Variants in RPS6KA3 observed in about 807,000 individuals in gnomAD.
RPS6KA3 encodes the protein ribosomal protein S6 kinase alpha-3.
Under a neutral mutation model 67.2 loss-of-function variants are expected in RPS6KA3, and 4 were observed. The observed-to-expected ratio is 0.06, with a 90% CI of 0.03 to 0.14. The LOEUF is 0.14. Ranked by LOEUF, RPS6KA3 falls within the 10% of genes least tolerant of loss-of-function variation. The pLI, the probability that RPS6KA3 is intolerant of heterozygous loss-of-function variation, is 1.00. For missense variants in RPS6KA3, 204 were observed against 559.0 expected (o/e 0.36, Z 6.40); for synonymous variants, 182 against 183.7 (o/e 0.99, Z 0.07).
chrX:20,257,324 G>A (rs753602591), intron 1 of RPS6KA3, among the ~76,000 whole-genome samples: 2 of 112,244 alleles, frequency 1.8e-5, no homozygotes, highest in South Asian at 3.6e-4. Flanking sequence ...CCAGACTTAC[G>A]AGTTAAAATT....
At chrX:20,218,634 C>T (rs2068915644) in intron 2 of RPS6KA3, among the ~76,000 whole-genome samples, 1 of 111,966 alleles carries the variant, frequency 8.9e-6, no homozygotes, top group Non-Finnish European at 1.9e-5. Flanking sequence ...ACATAACTGG[C>T]TTTTAGTAAA....
At chrX:20,174,744 A>T (rs1315489877) in intron 14 of RPS6KA3, among the ~76,000 whole-genome samples, 1 of 110,584 alleles carries the variant, frequency 9.0e-6, no homozygotes, top group Non-Finnish European at 1.9e-5. Flanking sequence ...AAAGTTAATG[A>T]TATAAAATGT....
At position 20,263,337 on chromosome X, in the gene RPS6KA3, T is replaced by C. The variant is rs150740254; in HGVS notation, c.69+3227A>G. 2.8e-3 allele frequency among the ~76,000 whole-genome samples: 310 copies of C among 112,208 alleles called. 2 individuals carry two copies. Among genetic ancestry groups the C allele is most frequent in the Middle Eastern group, 4.6e-3 (1 of 218 alleles). ...AAGAGCCATAATTCCTACCTATCCA[T>C]CCTCTAAACAGTCAAATATTCAAAA... On this transcript the variant is annotated intron_variant, in intron 1 of 21. Transcript: ENST00000379565.
chrX:20,164,266 A>G (rs1385557597), intron 18 of RPS6KA3, among the ~76,000 whole-genome samples: 1 of 111,426 alleles, frequency 9.0e-6, no homozygotes, highest in African/African-American at 3.3e-5. Flanking sequence ...GCCTGCTTAT[A>G]TTGGACCTAT....
intron 1 of RPS6KA3, among the ~76,000 whole-genome samples, chrX:20,261,467 TTA>T (rs1170707511): frequency 8.9e-6 from 1 of 112,255 alleles, no homozygotes; most frequent in African/African-American, 3.2e-5. Context: ...GTGCCAAAGT[TTA>T]TCTTTCAACA....
At chrX:20,211,592 A>C (rs927633882) in intron 2 of RPS6KA3, among the ~76,000 whole-genome samples, 4 of 111,215 alleles carry the variant, frequency 3.6e-5, no homozygotes, top group Admixed American at 9.5e-5. Flanking sequence ...AAAACAAAAC[A>C]AAACCTACAC....
chrX:20,171,151 A>G (rs925207880), intron 15 of RPS6KA3, among the ~76,000 whole-genome samples: 2 of 112,047 alleles, frequency 1.8e-5, no homozygotes, highest in Non-Finnish European at 3.8e-5. Context: ...TACATATAAC[A>G]TACAAAATAA....
Position 20,169,410 on chromosome X carries a change from G to T in RPS6KA3, c.1435C>A (p.Leu479Ile). The change falls in exon 16 of 22, where the codon CTA (leucine) becomes ATA (isoleucine). Residue 479 changes from leucine (L) to isoleucine (I), a missense_variant. Around this residue, in one of 4 missense-constraint regions of RPS6KA3, gnomAD observed 73 missense variants for 241.1 expected, o/e 0.30. Transcript: ENST00000379565. ...TTAAAGAATCTACTTACATCCTTTA[G>T]AGTGATAATGTTTGGATGCTGTCCA... ...RYGQHPNIIT[L>I]KDVYDDGKYV... is the part of the protein sequence containing the mutation. 1 of 1,135,715 alleles carries T rather than the reference G, an allele frequency of 8.8e-7. No homozygotes were observed. The highest frequency in any genetic ancestry group is 1.2e-6 in the Non-Finnish European group (1 of 825,939). 93.6% of individuals were successfully genotyped at this position (1,135,715 alleles called of 1,213,427 possible). A position where few individuals can be genotyped will look rare whatever the true frequency, so the allele number is the denominator to read the frequency against.
At chrX:20,235,179 A>G (rs770037686) in intron 1 of RPS6KA3, among the ~76,000 whole-genome samples, 3 of 111,421 alleles carry the variant, frequency 2.7e-5, no homozygotes, top group Non-Finnish European at 5.7e-5. Flanking sequence ...CTCCATTCAT[A>G]ATTAATCAAG....
chrX:20,251,918 T>C (rs1323317111), intron 1 of RPS6KA3, among the ~76,000 whole-genome samples: 1 of 112,257 alleles, frequency 8.9e-6, no homozygotes, highest in African/African-American at 3.2e-5. Flanking sequence ...TTTCTTCAGG[T>C]CCAGTTTCTT....
At chrX:20,158,909 C>T (rs949302133) in intron 20 of RPS6KA3, among the ~76,000 whole-genome samples, 7 of 111,685 alleles carry the variant, frequency 6.3e-5, no homozygotes, top group African/African-American at 2.3e-4. Context: ...AGTGTCACCC[C>T]AGACTTCTCT....
chrX:20,191,332 C>A (rs187414041), intron 7 of RPS6KA3, among the ~76,000 whole-genome samples: 3 of 111,568 alleles, frequency 2.7e-5, no homozygotes, highest in Non-Finnish European at 5.6e-5. Context: ...AATAAACATA[C>A]GTGTGCATGT....
In RPS6KA3 at chrX:20,266,744, G is replaced by GGCGGCA. The variant is rs781064398; in HGVS notation, c.-118_-113dup. 22 of 282,102 alleles carry GGCGGCA rather than the reference G, an allele frequency of 7.8e-5. No homozygotes were observed. Among genetic ancestry groups the GGCGGCA allele is most frequent in the South Asian group, 3.4e-4 (2 of 5,845 alleles). 23.2% of individuals were successfully genotyped at this position (282,102 alleles called of 1,213,427 possible). A position where few individuals can be genotyped will look rare whatever the true frequency, so the allele number is the denominator to read the frequency against. Reference sequence around the variant, plus strand: ...CGGCAGCGGCGGCGGCGGCGGCGGCGGCGGCAGCGGCAGCGGCAGCGGCAG... The same window carrying GGCGGCA: ...CGGCAGCGGCGGCGGCGGCGGCGGCGGCGGCAGCGGCAGCGGCAGCGGCAGCGGCAG... On this transcript the variant is annotated 5_prime_UTR_variant, in exon 1 of 22. Transcript: ENST00000379565.
Position 20,257,058 on chromosome X carries a change from T to G in RPS6KA3, c.69+9506A>C, listed in dbSNP as rs747187788. On this transcript the variant is annotated intron_variant, in intron 1 of 21. Coordinates refer to ENST00000379565, the MANE Select transcript of RPS6KA3 (RefSeq NM_004586.3). ...TTTGAATTCTGGCTCCTTCAGTTAC[T>G]AGCTGGGCAACCATGAGCACGTTAT... Among the ~76,000 whole-genome samples the G allele has an allele frequency of 2.7e-5, 3 of 112,355 alleles. No individual in the cohort carries two copies. The East Asian group carries it at 8.4e-4, about 31-fold the overall frequency.
chrX:20,188,924 GTTATT>G (rs771450297), intron 7 of RPS6KA3, among the ~76,000 whole-genome samples: 3 of 112,150 alleles, frequency 2.7e-5, no homozygotes, highest in Non-Finnish European at 5.6e-5. Flanking sequence ...CATTCTCTTG[GTTATT>G]TTATTTTGCC....
intron 20 of RPS6KA3, among the ~76,000 whole-genome samples, chrX:20,157,398 G>A (rs774161697): frequency 9.4e-6 from 1 of 106,477 alleles, no homozygotes; most frequent in African/African-American, 3.4e-5. Context: ...CAGCTATTTG[G>A]GAGGCTGAGG....
At chrX:20,190,045 A>C (rs2068083735) in intron 7 of RPS6KA3, among the ~76,000 whole-genome samples, 1 of 111,328 alleles carries the variant, frequency 9.0e-6, no homozygotes, top group Non-Finnish European at 1.9e-5. Context: ...AATACATGAA[A>C]AACAGTTCTA....
intron 7 of RPS6KA3, among the ~76,000 whole-genome samples, chrX:20,190,846 A>G (rs968277186): frequency 9.0e-6 from 1 of 111,122 alleles, no homozygotes; most frequent in Non-Finnish European, 1.9e-5. Flanking sequence ...CTGTGTTAAT[A>G]CAGAATTTAA....
chrX:20,220,466 A>G (rs998403628), intron 2 of RPS6KA3, among the ~76,000 whole-genome samples: 1 of 107,311 alleles, frequency 9.3e-6, no homozygotes, highest in Non-Finnish European at 1.9e-5. Flanking sequence ...ACAACCGCCT[A>G]ACACAGAATG....
Sources: gnomAD v4.1 joint callset for allele counts (sites outside exome capture counted in the v4.1 genomes callset) on GRCh38, gnomAD v4.1.1 for gene constraint, gnomAD v4.1.1 regional missense constraint, MANE v1.5 for transcripts, NCBI Gene and HGNC (gene_info 2026-07-23, HGNC 2026-07-21) for gene names.